MYT1: variants seen among roughly 807,000 people sequenced by gnomAD.
MYT1 encodes myelin transcription factor 1.
MYT1 carries 23 observed loss-of-function variants against 123.0 expected under a neutral mutation model. The observed-to-expected ratio is 0.19, with a 90% CI of 0.13 to 0.26. The LOEUF (loss-of-function observed/expected upper bound fraction) is 0.26, where lower values mean the gene tolerates loss of function less well. Among genes scored for constraint, MYT1 ranks in the 10% least tolerant of loss-of-function variants. The pLI is 1.00. For synonymous variants in MYT1, 518 were observed against 575.3 expected (o/e 0.90, Z 1.43); for missense variants, 1,125 against 1,472.5 (o/e 0.76, Z 3.86).
chr20:64,183,079 T>C (rs1982698795), intron 1 of MYT1, among the ~76,000 whole-genome samples: 1 of 152,240 alleles, frequency 6.6e-6, no homozygotes, highest in Non-Finnish European at 1.5e-5. Flanking sequence ...ACCACGAATC[T>C]ACTTTCTATC....
chr20:64,234,338 G>A (rs1180239069), intron 19 of MYT1, among the ~76,000 whole-genome samples: 1 of 152,184 alleles, frequency 6.6e-6, no homozygotes, highest in East Asian at 1.9e-4. Context: ...GTACCGGCAA[G>A]TGGGTCATGT....
chr20:64,170,473 G>A (rs1982218208), intron 1 of MYT1, among the ~76,000 whole-genome samples: 1 of 152,124 alleles, frequency 6.6e-6, no homozygotes, highest in African/African-American at 2.4e-5. Flanking sequence ...TAGCTTTGAG[G>A]TTGGAAGGAC....
At chr20:64,236,884 C>T (rs765199230) in intron 20 of MYT1, among the ~76,000 whole-genome samples, 2 of 152,150 alleles carry the variant, frequency 1.3e-5, no homozygotes, top group Admixed American at 6.5e-5. Context: ...CTGTAACCTG[C>T]GGCTTTGGTG....
At chr20:64,178,070 C>T (rs1982522307) in intron 1 of MYT1, among the ~76,000 whole-genome samples, 1 of 152,206 alleles carries the variant, frequency 6.6e-6, no homozygotes, top group Non-Finnish European at 1.5e-5. Flanking sequence ...GGAGGAGGCA[C>T]CTCAGGATCC....
At chr20:64,180,057 TACAC>T (rs67948728) in intron 1 of MYT1, among the ~76,000 whole-genome samples, 39,896 of 150,650 alleles carry the variant, frequency 0.26, 5,413 homozygotes, top group East Asian at 0.39. Flanking sequence ...CACACACAGT[TACAC>T]ACCACACGCA....
At position 64,213,486 on chromosome 20, in the gene MYT1, C is replaced by T; in HGVS notation, c.1518-48C>T. ...ACACACACAGACACCCAGGACAGGA[C>T]AGGCATGGAGGGGAAGGCTCAGAAA... is the stretch of plus-strand genomic sequence containing the variant. On this transcript the variant is annotated intron_variant, in intron 9 of 22. Coordinates refer to ENST00000328439, the MANE Select transcript of MYT1 (RefSeq NM_004535.3). This position sits in a 1 kb window ranked among gnomAD's most constrained non-coding sequence, Gnocchi z 5.6. 6.8e-7 allele frequency: 1 copy of T among 1,474,830 alleles called. No homozygotes were observed. The highest frequency in any genetic ancestry group is 9.5e-7 in the Non-Finnish European group (1 of 1,056,212). The allele number at this position is 1,474,830 out of a possible 1,614,324, so 91.4% of individuals were successfully genotyped here. A position where few individuals can be genotyped will look rare whatever the true frequency, so the allele number is the denominator to read the frequency against.
At chr20:64,228,174 GA>G (rs1293462102) in intron 18 of MYT1, 2 of 590,930 alleles carry the variant, frequency 3.4e-6, no homozygotes, top group Non-Finnish European at 5.9e-6. Flanking sequence ...AGGAGCCCTG[GA>G]TGTCGCGTGG....
rs1444644308 is a variant in MYT1, at chr20:64,218,204, G to T, written c.1847-707G>T. Among the ~76,000 whole-genome samples, 1 of 152,214 alleles carries T rather than the reference G, an allele frequency of 6.6e-6. No individual in the cohort carries two copies. Among genetic ancestry groups the T allele is most frequent in the African/African-American group, 2.4e-5 (1 of 41,442 alleles). ...ATGAGGGAATGCAATGGTGCCAGTG[G>T]AGAGGGGGACCTCACGATAAGCTTT... On this transcript the variant is annotated intron_variant, in intron 11 of 22. Coordinates refer to ENST00000328439, the MANE Select transcript of MYT1 (RefSeq NM_004535.3). The surrounding 1 kb of genome is among the most constrained non-coding windows in gnomAD (Gnocchi z 4.0).
rs1375914338 is a variant in MYT1, at chr20:64,213,113, C to T, written c.1518-421C>T. Reference sequence around the variant, plus strand: ...GGTCCAAGTGGGGCCCTGGGCTGCCCCAGAGCAGCTAACAGAACAAGCGCC... The same window carrying T: ...GGTCCAAGTGGGGCCCTGGGCTGCCTCAGAGCAGCTAACAGAACAAGCGCC... On this transcript the variant is annotated intron_variant, in intron 9 of 22. Coordinates refer to ENST00000328439, the MANE Select transcript of MYT1 (RefSeq NM_004535.3). The surrounding 1 kb of genome is among the most constrained non-coding windows in gnomAD (Gnocchi z 5.6). Among the ~76,000 whole-genome samples the T allele has an allele frequency of 6.6e-6, 1 of 152,122 alleles. No individual in the cohort carries two copies. Among genetic ancestry groups the T allele is most frequent in the East Asian group, 1.9e-4 (1 of 5,186 alleles).
rs942596825 is a variant in MYT1 at position 64,202,395 on chromosome 20, A to C, written c.86+2473A>C. Reference sequence around the variant, plus strand: ...GGTCCATCTGTTGTCACATGGCCTCAGACTGGCTCTGCCAGAGGCGAAGAC... The same window carrying C: ...GGTCCATCTGTTGTCACATGGCCTCCGACTGGCTCTGCCAGAGGCGAAGAC... On this transcript the variant is annotated intron_variant, in intron 4 of 22. Transcript: ENST00000328439. The surrounding 1 kb of genome is among the most constrained non-coding windows in gnomAD (Gnocchi z 5.0). Among the ~76,000 whole-genome samples the C allele has an allele frequency of 6.6e-6, 1 of 152,190 alleles. No homozygotes were observed. The highest frequency in any genetic ancestry group is 2.4e-5 in the African/African-American group (1 of 41,448).
intron 20 of MYT1, 84 bp downstream of exon 20, chr20:64,236,730 G>A (rs539962312): frequency 1.7e-6 from 2 of 1,194,640 alleles, no homozygotes; most frequent in Admixed American, 3.6e-5. Context: ...CTGGTGGGAA[G>A]AAGGTTAGGG....
At chr20:64,194,732 A>C (rs920244308) in intron 2 of MYT1, among the ~76,000 whole-genome samples, 8 of 152,164 alleles carry the variant, frequency 5.3e-5, no homozygotes, top group Admixed American at 2.0e-4. Flanking sequence ...CCCGGGAAGG[A>C]GTGGGGAGAC....
chr20:64,217,564 G>T (rs1983876977), intron 11 of MYT1, among the ~76,000 whole-genome samples: 1 of 152,234 alleles, frequency 6.6e-6, no homozygotes, highest in African/African-American at 2.4e-5. Flanking sequence ...TCCGTTACGG[G>T]CGTGTGTGTC....
At chr20:64,179,158 C>T (rs559658634) in intron 1 of MYT1, among the ~76,000 whole-genome samples, 31 of 149,538 alleles carry the variant, frequency 2.1e-4, no homozygotes, top group African/African-American at 6.7e-4. Context: ...TACCCTTCAA[C>T]GTGGGAGCAC....
rs1035778019 is a variant in MYT1 at position 64,190,814 on chromosome 20, C to T, written c.-1+654C>T. ...TGAAACCCCGTCTTTACTAAAAACA[C>T]AAAAATTAGCCGGGCATGGTGGCAT... On this transcript the variant is annotated intron_variant, in intron 2 of 22. Coordinates refer to ENST00000328439, the MANE Select transcript of MYT1 (RefSeq NM_004535.3). The surrounding 1 kb of genome is among the most constrained non-coding windows in gnomAD (Gnocchi z 4.1). Among the ~76,000 whole-genome samples, 58 of 151,844 alleles carry T rather than the reference C, an allele frequency of 3.8e-4. No individual in the cohort carries two copies. The highest frequency in any genetic ancestry group is 1.2e-3 in the Admixed American group (19 of 15,246).
Position 64,218,960 on chromosome 20 carries a change from C to T in MYT1, c.1896C>T (p.Ala632=), listed in dbSNP as rs1055934122. Residue 632 remains alanine (A), a synonymous_variant, in exon 12 of 23, where the codon GCC becomes GCT. Coordinates refer to ENST00000328439, the MANE Select transcript of MYT1 (RefSeq NM_004535.3). The surrounding 1 kb of genome is among the most constrained non-coding windows in gnomAD (Gnocchi z 4.0). ...AGGCTGCACACATGGCTGCCACTGC[C>T]ATCCTGAACCTCTCCACGCGCTGCT... The part of the protein sequence containing the change: ...DAEAAHMAAT[A]ILNLSTRCWE... The T allele has an allele frequency of 1.1e-5, 18 of 1,613,822 alleles. No individual in the cohort carries two copies. Among genetic ancestry groups the T allele is most frequent in the Non-Finnish European group, 1.3e-5 (15 of 1,180,038 alleles).
rs575047178 is a variant in MYT1 at position 64,168,406 on chromosome 20, C to CT, written c.-99+3675dup. 3.3e-5 allele frequency among the ~76,000 whole-genome samples: 5 copies of CT among 152,214 alleles called. No homozygotes were observed. The highest frequency in any genetic ancestry group is 3.9e-4 in the East Asian group (2 of 5,188). On this transcript the variant is annotated intron_variant, in intron 1 of 22. Coordinates refer to ENST00000328439, the MANE Select transcript of MYT1 (RefSeq NM_004535.3). This position sits in a 1 kb window ranked among gnomAD's most constrained non-coding sequence, Gnocchi z 6.1. ...GATTGGTTTCACCCATCACTTCATC[C>CT]TTTTTTTTATTTTACAATTTGCACT...
Position 64,212,068 on chromosome 20 carries a change from G to A in MYT1, c.1447G>A (p.Val483Met), listed in dbSNP as rs1213223317. 2.5e-6 allele frequency: 4 copies of A among 1,613,854 alleles called. No homozygotes were observed. The South Asian group carries it at 3.3e-5, about 13-fold the overall frequency. ...TACAGTCTTAGCCATGCATGAGAAC[G>A]TGCTGAAGTGCCCCACTCCTGGCTG... The part of the protein sequence containing the change: ...PPEILAMHEN[V>M]LKCPTPGCTG... Residue 483 changes from valine (V) to methionine (M), a missense_variant, in exon 9 of 23, where the codon GTG (valine) becomes ATG (methionine). Val to Met is a conservative substitution (Grantham distance 21). Transcript: ENST00000328439. The surrounding 1 kb of genome is among the most constrained non-coding windows in gnomAD (Gnocchi z 6.8).
rs764748979 is a variant in MYT1 at position 64,223,180 on chromosome 20, C to T, written c.2459+7C>T. 11 of 1,614,216 alleles carry T rather than the reference C, an allele frequency of 6.8e-6. No individual in the cohort carries two copies. The highest frequency in any genetic ancestry group is 9.3e-6 in the Non-Finnish European group (11 of 1,180,048). On this transcript the variant is annotated splice_region_variant and intron_variant, in intron 15 of 22. Coordinates refer to ENST00000328439, the MANE Select transcript of MYT1 (RefSeq NM_004535.3). The stretch of plus-strand genomic sequence containing the variant: ...ACTACGCCTCCCACCGCAGGTTTGT[C>T]TCCTGCTCGGGTCCGTCTGGCCTGG...
Sources: gnomAD v4.1 joint callset for allele counts (sites outside exome capture counted in the v4.1 genomes callset) on GRCh38, gnomAD v4.1.1 for gene constraint, Gnocchi (gnomAD v3.1) non-coding constraint, MANE v1.5 for transcripts, NCBI Gene and HGNC (gene_info 2026-07-23, HGNC 2026-07-21) for gene names.